The following DLG2 variants were observed in gnomAD, a reference collection of about 807,000 sequenced individuals.
DLG2 encodes the protein disks large homolog 2.
Under a neutral mutation model 132.5 loss-of-function variants are expected in DLG2, and 45 were observed. The observed-to-expected ratio is 0.34, with a 90% CI of 0.27 to 0.44. The LOEUF (loss-of-function observed/expected upper bound fraction) is 0.44. Ranked by LOEUF, DLG2 falls within the 20% of genes least tolerant of loss-of-function variation. The probability of loss-of-function intolerance (pLI) is 1.00; values close to 1 mark genes in which losing one functional copy is unlikely to be tolerated. For synonymous variants in DLG2, 424 were observed against 419.6 expected, an observed-to-expected ratio of 1.01 and a Z score of -0.13; for missense variants, 1,045 against 1,196.9, an observed-to-expected ratio of 0.87 and a Z score of 1.87.
intron 3 of DLG2, among the ~76,000 whole-genome samples, chr11:85,563,025 A>C (rs1250398265): frequency 6.6e-6 from 1 of 151,614 alleles, no homozygotes; most frequent in Non-Finnish European, 1.5e-5. Context: ...TCACATTTAT[A>C]CTCAATTCAA....
chr11:85,014,536 G>A (rs189590431), intron 6 of DLG2, among the ~76,000 whole-genome samples: 95 of 152,224 alleles, frequency 6.2e-4, no homozygotes, highest in African/African-American at 2.2e-3. Flanking sequence ...TAGAGGGAGG[G>A]TTACATGCAT....
chr11:84,640,949 A>C (rs2099660364), intron 6 of DLG2, among the ~76,000 whole-genome samples: 1 of 138,122 alleles, frequency 7.2e-6, no homozygotes, highest in African/African-American at 2.6e-5. Flanking sequence ...CAAAACAAAC[A>C]AACAAAAAAA....
At chr11:84,266,632 G>A (rs2097640421) in intron 7 of DLG2, among the ~76,000 whole-genome samples, 1 of 152,158 alleles carries the variant, frequency 6.6e-6, no homozygotes, top group South Asian at 2.1e-4. Flanking sequence ...AAACGCACTT[G>A]GAACACCATG....
At chr11:85,068,640 G>T (rs417091) in intron 6 of DLG2, among the ~76,000 whole-genome samples, 36,469 of 151,666 alleles carry the variant, frequency 0.24, 4,577 homozygotes, top group Middle Eastern at 0.29. Context: ...CACTGCTCAA[G>T]GAAATAAAAG....
intron 7 of DLG2, among the ~76,000 whole-genome samples, chr11:84,492,921 T>G (rs2099169078): frequency 6.6e-6 from 1 of 152,114 alleles, no homozygotes; most frequent in Non-Finnish European, 1.5e-5. Flanking sequence ...AAGGCATGCT[T>G]ATATAATAAT....
chr11:84,536,578 A>C (rs1400974229), intron 6 of DLG2, among the ~76,000 whole-genome samples: 1 of 152,200 alleles, frequency 6.6e-6, no homozygotes, highest in Non-Finnish European at 1.5e-5. Flanking sequence ...AGTTACGCCC[A>C]TTATGAGTGG....
At chr11:84,400,087 T>G (rs1254497011) in intron 7 of DLG2, among the ~76,000 whole-genome samples, 1 of 152,220 alleles carries the variant, frequency 6.6e-6, no homozygotes, top group Non-Finnish European at 1.5e-5. Context: ...TACGGCATCT[T>G]TCCCACACTC....
intron 11 of DLG2, among the ~76,000 whole-genome samples, chr11:84,055,160 A>G (rs937425652): frequency 6.6e-6 from 1 of 151,782 alleles, no homozygotes; most frequent in African/African-American, 2.4e-5. Flanking sequence ...GTCCTCAGAG[A>G]TTCCTTCATA....
chr11:83,482,174 T>C (rs893485363), intron 22 of DLG2, among the ~76,000 whole-genome samples: 1 of 152,072 alleles, frequency 6.6e-6, no homozygotes, highest in Non-Finnish European at 1.5e-5. Context: ...AATATAAATA[T>C]CTTTTAAAAA....
intron 7 of DLG2, among the ~76,000 whole-genome samples, chr11:84,484,647 G>A (rs2099146356): frequency 6.6e-6 from 1 of 152,114 alleles, no homozygotes; most frequent in Non-Finnish European, 1.5e-5. Flanking sequence ...TTACTATTAT[G>A]AAGCAATATC....
intron 3 of DLG2, among the ~76,000 whole-genome samples, chr11:85,309,260 C>A (rs937796525): frequency 5.9e-5 from 9 of 152,042 alleles, no homozygotes; most frequent in African/African-American, 2.2e-4. Context: ...CAATCTAAGT[C>A]CAGCTCAGAT....
intron 6 of DLG2, among the ~76,000 whole-genome samples, chr11:84,680,008 T>G (rs999484449): frequency 2.6e-5 from 4 of 152,120 alleles, no homozygotes; most frequent in African/African-American, 9.7e-5. Context: ...TGAGCATAGT[T>G]TGGTCATCCA....
At chr11:83,751,755 G>C (rs2093324792) in intron 18 of DLG2, among the ~76,000 whole-genome samples, 1 of 152,212 alleles carries the variant, frequency 6.6e-6, no homozygotes, top group African/African-American at 2.4e-5. Context: ...GTTGTAGAAA[G>C]TAGAAGATCA....
intron 21 of DLG2, among the ~76,000 whole-genome samples, chr11:83,517,396 A>G (rs1296451089): frequency 6.6e-6 from 1 of 152,046 alleles, no homozygotes; most frequent in African/African-American, 2.4e-5. Context: ...ACTTCTCTGC[A>G]TTGGTTATTC....
intron 4 of DLG2, among the ~76,000 whole-genome samples, chr11:85,220,391 C>A (rs1287553715): frequency 6.6e-6 from 1 of 151,750 alleles, no homozygotes; most frequent in Admixed American, 6.6e-5. Flanking sequence ...AATGCAAAGG[C>A]CCTAGAGTAA....
At chr11:84,921,582 G>T (rs2092758013) in intron 6 of DLG2, among the ~76,000 whole-genome samples, 2 of 152,042 alleles carry the variant, frequency 1.3e-5, no homozygotes, top group Non-Finnish European at 2.9e-5. Context: ...CATTATGAAA[G>T]GAACTTTGGA....
intron 14 of DLG2, among the ~76,000 whole-genome samples, chr11:83,930,997 T>C (rs116799359): frequency 0.019 from 2,938 of 152,298 alleles, 67 homozygotes; most frequent in East Asian, 0.073. Context: ...ATTCCTTCTA[T>C]GTGGATAAAG....
chr11:84,840,660 C>A (rs531084764), intron 6 of DLG2, among the ~76,000 whole-genome samples: 15 of 152,146 alleles, frequency 9.9e-5, no homozygotes, highest in South Asian at 2.1e-4. Context: ...ACTATGCAGC[C>A]ATTAAAAAGG....
chr11:85,080,492 A>G (rs1281649224), intron 6 of DLG2, among the ~76,000 whole-genome samples: 1 of 152,154 alleles, frequency 6.6e-6, no homozygotes, highest in East Asian at 1.9e-4. Context: ...AAATTATTGA[A>G]TTAGCATTCA....
Sources: allele counts gnomAD v4.1 joint callset (sites outside exome capture counted in the v4.1 genomes callset), GRCh38; gene constraint gnomAD v4.1.1; transcripts MANE v1.5; gene names NCBI Gene and HGNC (gene_info 2026-07-23, HGNC 2026-07-21).